KIAA0319: variants seen among roughly 807,000 people sequenced by gnomAD.
KIAA0319 encodes KIAA0319, also known as dyslexia-associated protein KIAA0319.
A neutral mutation model predicts 108.4 loss-of-function variants in KIAA0319; 83 were observed. That is an observed-to-expected ratio of 0.77 (90% CI 0.64 to 0.92). KIAA0319 has a LOEUF of 0.92. KIAA0319 is among the 40% of genes least tolerant of loss of function. The pLI is 0.00. For missense variants in KIAA0319, 1,195 were observed against 1,322.4 expected (o/e 0.90, Z 1.49); for synonymous variants, 484 against 510.4 (o/e 0.95, Z 0.70).
At chr6:24,591,775 A>G (rs1052787170) in intron 3 of KIAA0319, among the ~76,000 whole-genome samples, 5 of 152,124 alleles carry the variant, frequency 3.3e-5, no homozygotes, top group African/African-American at 1.2e-4. Context: ...TTTGACTTGC[A>G]TTTCCCTAAA....
At chr6:24,612,899 C>T (rs1254993362) in intron 1 of KIAA0319, among the ~76,000 whole-genome samples, 1 of 151,962 alleles carries the variant, frequency 6.6e-6, no homozygotes, top group African/African-American at 2.4e-5. Context: ...CCCCGGTTCA[C>T]GCCATTCTCC....
chr6:24,598,129 C>T (rs762301137), intron 2 of KIAA0319: 30 of 444,008 alleles, frequency 6.8e-5, no homozygotes, highest in Non-Finnish European at 1.1e-4. Flanking sequence ...GAGCTTCTCT[C>T]GAGTGGGCAG....
chr6:24,598,448 T>A, intron 2 of KIAA0319: 1 of 555,176 alleles, frequency 1.8e-6, no homozygotes, highest in South Asian at 1.5e-5. Flanking sequence ...GTGGACTGCA[T>A]GTTCAAGAGC....
Position 24,563,456 on chromosome 6 carries a change from G to A in KIAA0319, c.2494C>T (p.Gln832Ter). Residue 832 changes from glutamine (Q) to a stop codon, truncating the protein, a stop_gained, in exon 16 of 21, where the codon CAG (glutamine) becomes TAG (stop). Coordinates refer to ENST00000378214, the MANE Select transcript of KIAA0319 (RefSeq NM_014809.4). LOFTEE classifies it high-confidence loss of function. ...LQVGVGQLTE[Q>*]RKDTLVRQLA... ...TGCCTCACAAGGGTGTCCTTCCGCTGCTCTGTCAGCTGCCCAACACCAACC... is the reference window on the plus strand; with the variant it reads ...TGCCTCACAAGGGTGTCCTTCCGCTACTCTGTCAGCTGCCCAACACCAACC... 6.2e-7 allele frequency: 1 copy of A among 1,613,464 alleles called. No individual in the cohort carries two copies.
At chr6:24,548,711 T>C (rs1357728562) in intron 20 of KIAA0319, among the ~76,000 whole-genome samples, 2 of 152,154 alleles carry the variant, frequency 1.3e-5, no homozygotes, top group Non-Finnish European at 2.9e-5. Flanking sequence ...TTGGAGCAAA[T>C]GATTCATGTA....
chr6:24,580,963 G>C lies in KIAA0319; in HGVS notation c.1242C>G (p.Ala414=). ...VFKVTVSSEN[A]FGEGFVNVTV... ...TGACATTGACAAATCCTTCTCCAAAGGCGTTTTCACTAGAAACAGTGACTT... is the reference window on the plus strand; with the variant it reads ...TGACATTGACAAATCCTTCTCCAAACGCGTTTTCACTAGAAACAGTGACTT... Residue 414 remains alanine (A), a synonymous_variant, in exon 7 of 21, where the codon GCC becomes GCG. Transcript: ENST00000378214. 1 of 1,613,112 alleles carries C rather than the reference G, an allele frequency of 6.2e-7. No homozygotes were observed. The highest frequency in any genetic ancestry group is 8.5e-7 in the Non-Finnish European group (1 of 1,179,304).
chr6:24,612,989 C>T (rs563867969), intron 1 of KIAA0319, among the ~76,000 whole-genome samples: 198 of 152,150 alleles, frequency 1.3e-3, no homozygotes, highest in African/African-American at 4.6e-3. Context: ...TTAGTAGAGA[C>T]GGGGTTTCAC....
At chr6:24,549,708 C>A (rs1761187249) in intron 20 of KIAA0319, among the ~76,000 whole-genome samples, 1 of 152,194 alleles carries the variant, frequency 6.6e-6, no homozygotes, top group Non-Finnish European at 1.5e-5. Flanking sequence ...GATTAGAATT[C>A]AATGGGTAAA....
chr6:24,600,572 A>G (rs1291692567), intron 2 of KIAA0319: 2 of 953,336 alleles, frequency 2.1e-6, no homozygotes, highest in Non-Finnish European at 1.6e-6. Flanking sequence ...ACTGTACATA[A>G]CAGTTTTTCT....
chr6:24,633,631 C>A (rs1775850569), intron 1 of KIAA0319, among the ~76,000 whole-genome samples: 1 of 151,818 alleles, frequency 6.6e-6, no homozygotes, highest in African/African-American at 2.4e-5. Flanking sequence ...TGAATTAAAA[C>A]TCAACAGAAT....
rs376432918 is a variant in KIAA0319, at chr6:24,559,074, C to G, written c.2673G>C (p.Met891Ile). Residue 891 changes from methionine to isoleucine, a missense_variant, in exon 17 of 21, where the codon ATG becomes ATC. By Grantham distance (10) the Met-to-Ile change is conservative. Coordinates refer to ENST00000378214, the MANE Select transcript of KIAA0319 (RefSeq NM_014809.4). ...AGTCAGCCTTCTCCTTTGAGAGCCG[C>G]ATGTGCAGATTTCGGGCCACTTCAG... ...KAAEVARNLHMRLSKEKADFL... is the reference protein window; with the variant it reads ...KAAEVARNLHIRLSKEKADFL... 1.4e-5 allele frequency: 23 copies of G among 1,613,760 alleles called. No homozygotes were observed. In the African/African-American group the frequency reaches 3.1e-4, roughly 22 times the overall value.
intron 3 of KIAA0319, 50 bp from the exon 4 acceptor site, chr6:24,588,835 A>G (rs773371099): frequency 1.4e-6 from 2 of 1,465,618 alleles, no homozygotes; most frequent in East Asian, 4.5e-5. Flanking sequence ...AAAACAGTCC[A>G]ACTCTTCAAG....
In KIAA0319 at chr6:24,583,793, A is replaced by G. The variant is rs1357573720; in HGVS notation, c.995-91T>C. The G allele has an allele frequency of 1.1e-5, 9 of 812,250 alleles. No homozygotes were observed. The Middle Eastern group carries it at 1.4e-3, about 125-fold the overall frequency. The allele number at this position is 812,250 out of a possible 1,614,324, so 50.3% of individuals were successfully genotyped here. A position where few individuals can be genotyped will look rare whatever the true frequency, so the allele number is the denominator to read the frequency against. On this transcript the variant is annotated intron_variant, in intron 4 of 20. Coordinates refer to ENST00000378214, the MANE Select transcript of KIAA0319 (RefSeq NM_014809.4). ...CTAGATCTGTTTTTGGTATCCATAAATTAAAATAACATATGCTTTTGTAAT... is the reference window on the plus strand; with the variant it reads ...CTAGATCTGTTTTTGGTATCCATAAGTTAAAATAACATATGCTTTTGTAAT...
intron 2 of KIAA0319, among the ~76,000 whole-genome samples, chr6:24,596,875 C>G (rs142846910): frequency 0.018 from 2,762 of 152,232 alleles, 46 homozygotes; most frequent in Non-Finnish European, 0.027. Context: ...TTCCTCCTAT[C>G]TTTCCACCTT....
chr6:24,556,915 A>G (rs1762378919), intron 17 of KIAA0319, among the ~76,000 whole-genome samples, 186 bp from the exon 18 acceptor site: 2 of 152,204 alleles, frequency 1.3e-5, no homozygotes, highest in South Asian at 4.1e-4. Context: ...CAGAAAGCAA[A>G]TGGCAGAAAA....
chr6:24,573,332 G>A (rs956623148), intron 10 of KIAA0319, among the ~76,000 whole-genome samples: 1 of 152,140 alleles, frequency 6.6e-6, no homozygotes, highest in Non-Finnish European at 1.5e-5. Flanking sequence ...GCTGACTGAA[G>A]AACAGTCTAT....
chr6:24,578,040 G>A, intron 9 of KIAA0319, 70 bp downstream of exon 9: 6 of 1,471,264 alleles, frequency 4.1e-6, no homozygotes, highest in African/African-American at 2.8e-5. Flanking sequence ...AGTGTTTTAT[G>A]TGCGTTAATT....
chr6:24,639,918 T>C (rs1490524228), intron 1 of KIAA0319, among the ~76,000 whole-genome samples: 1 of 151,508 alleles, frequency 6.6e-6, no homozygotes, highest in Non-Finnish European at 1.5e-5. Context: ...GGCTAGCATG[T>C]TGGTAAATAA....
chr6:24,635,395 C>T (rs1041805223), intron 1 of KIAA0319, among the ~76,000 whole-genome samples: 2 of 152,150 alleles, frequency 1.3e-5, no homozygotes, highest in African/African-American at 4.8e-5. Flanking sequence ...TGAGCCACCA[C>T]ACCTGGCCAG....
Sources: gnomAD v4.1 joint callset for allele counts (sites outside exome capture counted in the v4.1 genomes callset) on GRCh38, gnomAD v4.1.1 for gene constraint, MANE v1.5 for transcripts, NCBI Gene and HGNC (gene_info 2026-07-23, HGNC 2026-07-21) for gene names.